The following GTF3C5 variants were observed in gnomAD, a reference collection of about 807,000 sequenced individuals.
GTF3C5 encodes the protein general transcription factor 3C polypeptide 5.
In GTF3C5, 47 loss-of-function variants were observed where a neutral mutation model predicts 61.0. The ratio of observed to expected loss-of-function variants is 0.77; its 90% confidence interval spans 0.61 to 0.98. The LOEUF is 0.98. Among genes scored for constraint, GTF3C5 ranks in the 50% least tolerant of loss-of-function variants. The pLI is 0.00. For synonymous variants in GTF3C5, 295 were observed against 275.4 expected (o/e 1.07, Z -0.71); for missense variants, 659 against 703.3 (o/e 0.94, Z 0.71).
intron 3 of GTF3C5, among the ~76,000 whole-genome samples, chr9:133,047,501 A>G (rs925702816): frequency 1.3e-5 from 2 of 152,004 alleles, no homozygotes; most frequent in African/African-American, 4.8e-5. Context: ...AAGAGTTTGA[A>G]GCAGGGGGTG....
At chr9:133,048,658 A>T (rs572488641) in intron 3 of GTF3C5, among the ~76,000 whole-genome samples, 2 of 152,312 alleles carry the variant, frequency 1.3e-5, no homozygotes, top group African/African-American at 4.8e-5. Flanking sequence ...AACAAGAGTG[A>T]AACTCCATCT....
intron 1 of GTF3C5, among the ~76,000 whole-genome samples, chr9:133,036,635 T>G (rs1237511190): frequency 6.6e-6 from 1 of 152,120 alleles, no homozygotes; most frequent in African/African-American, 2.4e-5. Context: ...AGCATATGTT[T>G]TAGTTCTTCA....
In GTF3C5 at chr9:133,058,304, T is replaced by G; in HGVS notation, c.*324T>G. 1 of 342,750 alleles carries G rather than the reference T, an allele frequency of 2.9e-6. No individual in the cohort carries two copies. 21.2% of individuals were successfully genotyped at this position (342,750 alleles called of 1,614,324 possible). On this transcript the variant is annotated 3_prime_UTR_variant, in exon 11 of 11. Coordinates refer to ENST00000372097, the MANE Select transcript of GTF3C5 (RefSeq NM_012087.4). The stretch of plus-strand genomic sequence containing the variant: ...GACCAGTAAATGCCGGAGGTGGAGC[T>G]GGGCAGCTGTGGAGCCCCAGGCCAC...
At chr9:133,054,681 C>T in intron 7 of GTF3C5, 31 bp from the exon 8 acceptor site, 2 of 1,537,670 alleles carry the variant, frequency 1.3e-6, no homozygotes, top group Non-Finnish European at 1.8e-6. Context: ...CCACCCTGCA[C>T]ATTCCAAGCA....
At position 133,050,776 on chromosome 9, in the gene GTF3C5, C is replaced by A; in HGVS notation, c.573-7C>A. 1 of 1,605,692 alleles carries A rather than the reference C, an allele frequency of 6.2e-7. No homozygotes were observed. Among genetic ancestry groups the A allele is most frequent in the Non-Finnish European group, 8.5e-7 (1 of 1,174,712 alleles). ...CTCCTGTTCTCACCTGTACTCTCTG[C>A]CCCCAGGGAAGGCTACAACAATCCC... On this transcript the variant is annotated splice_polypyrimidine_tract_variant and splice_region_variant and intron_variant, in intron 3 of 10. Coordinates refer to ENST00000372097, the MANE Select transcript of GTF3C5 (RefSeq NM_012087.4).
intron 8 of GTF3C5, 75 bp downstream of exon 8, chr9:133,054,884 G>A (rs754863986): frequency 6.5e-7 from 1 of 1,535,174 alleles, no homozygotes; most frequent in Non-Finnish European, 8.8e-7. Flanking sequence ...GGTGACACCT[G>A]GGGGGCTGTG....
intron 8 of GTF3C5, 79 bp from the exon 9 acceptor site, chr9:133,055,933 A>T: frequency 6.3e-7 from 1 of 1,593,148 alleles, no homozygotes; most frequent in East Asian, 2.2e-5. Context: ...ACCCCATGGG[A>T]GCCTACATGG....
At chr9:133,056,635 C>T (rs544916105) in intron 9 of GTF3C5, 131 bp from the exon 10 acceptor site, 44 of 811,046 alleles carry the variant, frequency 5.4e-5, no homozygotes, top group Admixed American at 4.2e-4. Context: ...TCCAGTTCCT[C>T]TCTGTAGACT....
chr9:133,041,579 C>T (rs1850040576), intron 1 of GTF3C5, among the ~76,000 whole-genome samples: 2 of 152,312 alleles, frequency 1.3e-5, no homozygotes, highest in South Asian at 4.1e-4. Flanking sequence ...TACCCTGCCC[C>T]TTTTGCTTTG....
At chr9:133,034,083 G>A (rs1305814196) in intron 1 of GTF3C5, among the ~76,000 whole-genome samples, 4 of 152,184 alleles carry the variant, frequency 2.6e-5, no homozygotes, top group Non-Finnish European at 5.9e-5. Context: ...TCCGAATACA[G>A]AGGGTTCTTG....
chr9:133,031,066 A>G lies in GTF3C5; in HGVS notation c.55A>G (p.Arg19Gly). 6.2e-7 allele frequency: 1 copy of G among 1,611,308 alleles called. No individual in the cohort carries two copies. Among genetic ancestry groups the G allele is most frequent in the Non-Finnish European group, 8.5e-7 (1 of 1,178,686 alleles). ...GGGGGCCGCCGTCCCCGTGGAGCTG[A>G]GGCGGGAGCGACGCATGGTGTGCGT... ...GLGAAVPVEL[R>G]RERRMVCVEY... The change falls in exon 1 of 11, where the codon AGG (arginine) becomes GGG (glycine). Residue 19 changes from arginine to glycine, a missense_variant. Physicochemically the swap from Arg to Gly is moderately radical, Grantham distance 125 (BLOSUM62 -2). Transcript: ENST00000372097.
intron 7 of GTF3C5, 69 bp from the exon 8 acceptor site, chr9:133,054,643 C>T (rs1319027001): frequency 2.1e-6 from 3 of 1,452,582 alleles, no homozygotes; most frequent in Admixed American, 2.0e-5. Flanking sequence ...GAGGGCAGGG[C>T]ATGGTGGTTG....
chr9:133,055,522 A>G, intron 8 of GTF3C5: 1 of 1,195,984 alleles, frequency 8.4e-7, no homozygotes, highest in Non-Finnish European at 1.1e-6. Flanking sequence ...GGCCTCTCCT[A>G]GGAGGCCGTT....
At chr9:133,038,020 C>T (rs765368070) in intron 1 of GTF3C5, among the ~76,000 whole-genome samples, 1 of 152,084 alleles carries the variant, frequency 6.6e-6, no homozygotes, top group Non-Finnish European at 1.5e-5. Context: ...AAGCTGATCT[C>T]GATTGGCTAT....
At chr9:133,040,052 G>T (rs191005356) in intron 1 of GTF3C5, among the ~76,000 whole-genome samples, 1 of 152,230 alleles carries the variant, frequency 6.6e-6, no homozygotes, top group African/African-American at 2.4e-5. Context: ...CTTGATTTAT[G>T]GCTTTGACAG....
rs1850062873 is a variant in GTF3C5 at position 133,042,306 on chromosome 9, G to A, written c.373G>A (p.Gly125Arg). ...CATCTCCACCATTTACAAATTTCAG[G>A]GTAACTGAAATCTGCTCTTGCAATG... ...GIISTIYKFQ[G>R]MSDFQYLAVH... Residue 125 changes from glycine to arginine, a missense_variant and splice_region_variant, in exon 2 of 11, where the codon GGG becomes AGG. Physicochemically the swap from Gly to Arg is moderately radical, Grantham distance 125. Coordinates refer to ENST00000372097, the MANE Select transcript of GTF3C5 (RefSeq NM_012087.4). 1 of 1,579,788 alleles carries A rather than the reference G, an allele frequency of 6.3e-7. No individual in the cohort carries two copies. The highest frequency in any genetic ancestry group is 8.7e-7 in the Non-Finnish European group (1 of 1,148,660).
chr9:133,056,738 T>C, intron 9 of GTF3C5, 28 bp from the exon 10 acceptor site: 1 of 1,564,048 alleles, frequency 6.4e-7, no homozygotes, highest in Non-Finnish European at 8.7e-7. Flanking sequence ...CCTGGGACTT[T>C]ATGTCCCAAC....
At chr9:133,034,935 C>T (rs187491770) in intron 1 of GTF3C5, among the ~76,000 whole-genome samples, 18 of 152,242 alleles carry the variant, frequency 1.2e-4, no homozygotes, top group Admixed American at 6.5e-4. Context: ...AGGGGCAGTT[C>T]GGATTTTTCA....
At chr9:133,045,768 T>C (rs916435062) in intron 3 of GTF3C5, among the ~76,000 whole-genome samples, 4 of 152,110 alleles carry the variant, frequency 2.6e-5, no homozygotes, top group South Asian at 4.2e-4. Context: ...TCCTGAGTAG[T>C]TGGGACTGCA....
Sources: allele counts gnomAD v4.1 joint callset (sites outside exome capture counted in the v4.1 genomes callset), GRCh38; gene constraint gnomAD v4.1.1; transcripts MANE v1.5; gene names NCBI Gene and HGNC (gene_info 2026-07-23, HGNC 2026-07-21).